CES5A: variants seen among roughly 807,000 people sequenced by gnomAD.
CES5A encodes the protein carboxylesterase 5.
A neutral mutation model predicts 62.9 loss-of-function variants in CES5A; 67 were observed. The observed-to-expected ratio is 1.07, with a 90% CI of 0.88 to 1.31. The LOEUF is 1.31. CES5A is among the 50% of genes most tolerant of loss of function. The pLI, the probability that CES5A is intolerant of heterozygous loss-of-function variation, is 0.00. For missense variants in CES5A, 748 were observed against 708.5 expected (o/e 1.06, Z -0.63); for synonymous variants, 296 against 280.8 (o/e 1.05, Z -0.54).
At chr16:55,937,460 C>A (rs553587371) in intron 2 of CES5A, among the ~76,000 whole-genome samples, 4 of 152,230 alleles carry the variant, frequency 2.6e-5, no homozygotes, top group Non-Finnish European at 5.9e-5. Context: ...CATTCCATTG[C>A]CCGCAGCAAG....
intron 2 of CES5A, among the ~76,000 whole-genome samples, chr16:55,931,523 T>C (rs1184037709): frequency 6.6e-6 from 1 of 152,184 alleles, no homozygotes; most frequent in Non-Finnish European, 1.5e-5. Context: ...CCCTATCTCT[T>C]GCTATTGCAA....
At chr16:55,901,187 G>C (rs2033987072) in intron 1 of CES5A, among the ~76,000 whole-genome samples, 1 of 152,104 alleles carries the variant, frequency 6.6e-6, no homozygotes, top group Admixed American at 6.5e-5. Context: ...TTTTATAAAG[G>C]GGAGTTCCCC....
At chr16:55,949,827 C>T in exon 2 of CES5A, 1 of 1,521,456 alleles carries the variant, frequency 6.6e-7, no homozygotes, top group Non-Finnish European at 8.8e-7. Flanking sequence ...ATCCTCAATA[C>T]ATACAAAGTT....
At chr16:55,877,649 C>A (rs1233849442), upstream of CES5A, among the ~76,000 whole-genome samples, 1 of 152,134 alleles carries the variant, frequency 6.6e-6, no homozygotes, top group Non-Finnish European at 1.5e-5. Flanking sequence ...CTGTGAGGAA[C>A]ACTGATAATG....
intron 1 of CES5A, among the ~76,000 whole-genome samples, chr16:55,911,524 C>T (rs77539008): frequency 0.028 from 4,197 of 152,276 alleles, 131 homozygotes; most frequent in East Asian, 0.11. Context: ...TTGTTTAATT[C>T]TCACAACACA....
At chr16:55,912,733 G>T (rs1423876883) in intron 1 of CES5A, among the ~76,000 whole-genome samples, 1 of 152,174 alleles carries the variant, frequency 6.6e-6, no homozygotes, top group Non-Finnish European at 1.5e-5. Flanking sequence ...TTACCTGCTG[G>T]AGTGTGGGGT....
intron 1 of CES5A, among the ~76,000 whole-genome samples, chr16:55,884,930 G>A (rs538977300): frequency 3.1e-4 from 47 of 152,142 alleles, no homozygotes; most frequent in Admixed American, 1.4e-3. Context: ...TGCTCCTTTC[G>A]CCAGCACATT....
chr16:55,890,806 G>C (rs1272848699), intron 1 of CES5A, among the ~76,000 whole-genome samples: 1 of 152,122 alleles, frequency 6.6e-6, no homozygotes. Context: ...AGTTAATTTA[G>C]AGAGTTTATT....
chr16:55,905,752 G>C (rs954710280), intron 1 of CES5A, among the ~76,000 whole-genome samples: 2 of 152,170 alleles, frequency 1.3e-5, no homozygotes, highest in Non-Finnish European at 2.9e-5. Context: ...TCTGAGCTCT[G>C]CAAAGCACAC....
chr16:55,877,412 GTGTGTGTGTATATATATATA>G (rs1423578245), upstream of CES5A, among the ~76,000 whole-genome samples: 1 of 149,216 alleles, frequency 6.7e-6, no homozygotes, highest in South Asian at 2.1e-4. Context: ...ATACATATGT[GTGTGTGTGTATATATATATA>G]TGTGTGTGTG....
intron 8 of CES5A, 126 bp downstream of exon 8, chr16:55,859,421 G>C: frequency 1.2e-6 from 1 of 859,750 alleles, no homozygotes; most frequent in Non-Finnish European, 1.8e-6. Flanking sequence ...GGTGATCACT[G>C]TGTGCTTGGC....
chr16:55,872,495 A>G (rs1204013499), intron 2 of CES5A, among the ~76,000 whole-genome samples: 7 of 152,156 alleles, frequency 4.6e-5, no homozygotes, highest in Non-Finnish European at 1.0e-4. Context: ...GAGCAGCTAA[A>G]AGCCTAAGAC....
chr16:55,939,462 A>G (rs1168456815), intron 2 of CES5A, among the ~76,000 whole-genome samples: 1 of 152,192 alleles, frequency 6.6e-6, no homozygotes, highest in Non-Finnish European at 1.5e-5. Flanking sequence ...GTAAGACCAG[A>G]ACTCAAAGTT....
Position 55,915,003 on chromosome 16 carries a change from GT to G in CES5A, c.-256+10319del, listed in dbSNP as rs376183481. 4.1e-3 allele frequency among the ~76,000 whole-genome samples: 609 copies of G among 147,020 alleles called. 4 individuals are homozygous for G. The highest frequency in any genetic ancestry group is 0.011 in the African/African-American group (438 of 40,020). On this transcript the variant is annotated intron_variant, in intron 1 of 12. Coordinates refer to the CES5A transcript ENST00000518005. ...TCAAATTAGTTCTAAATAAAAAGTT[GT>G]TTTTTTTTTTTCTTTTAAGCTTCCT...
chr16:55,875,182 A>C lies in CES5A; in HGVS notation c.40T>G (p.Trp14Gly), dbSNP rs2033672514. The C allele has an allele frequency of 6.2e-7, 1 of 1,614,000 alleles. No individual in the cohort carries two copies. Among genetic ancestry groups the C allele is most frequent in the African/African-American group, 1.3e-5 (1 of 74,942 alleles). ...NWVHPGQILI[W>G]AIWVLAAPTK... ...GGGGCTGCAAGGACCCAGATAGCCC[A>C]AATTAGGATCTGGCCTGGGTGCACC... Residue 14 changes from tryptophan (W) to glycine (G), a missense_variant, in exon 1 of 13, where the codon TGG (tryptophan) becomes GGG (glycine). Coordinates refer to ENST00000290567, the MANE Select transcript of CES5A (RefSeq NM_001143685.2).
At chr16:55,902,777 T>C (rs1419500056) in intron 1 of CES5A, among the ~76,000 whole-genome samples, 2 of 152,198 alleles carry the variant, frequency 1.3e-5, no homozygotes, top group African/African-American at 4.8e-5. Context: ...TCCGAATTTC[T>C]GTCTCACAGC....
Position 55,904,010 on chromosome 16 carries a change from G to GA in CES5A, c.-256+21312dup, listed in dbSNP as rs548686979. ...AAAATACATAAAGCAAAGACTAACA[G>GA]AAAAATAAGGAGAAATAGAAAACCG... is the stretch of plus-strand genomic sequence containing the variant. On this transcript the variant is annotated intron_variant, in intron 1 of 12. Transcript: ENST00000518005. Among the ~76,000 whole-genome samples the GA allele has an allele frequency of 1.2e-3, 178 of 152,262 alleles. 2 individuals carry two copies. The highest frequency in any genetic ancestry group is 4.1e-3 in the African/African-American group (172 of 41,540).
intron 2 of CES5A, among the ~76,000 whole-genome samples, chr16:55,942,406 ATAACT>A (rs1374537250): frequency 1.3e-5 from 2 of 152,226 alleles, no homozygotes; most frequent in East Asian, 1.9e-4. Context: ...AACTGGGCAA[ATAACT>A]TAAAAGATAC....
intron 11 of CES5A, among the ~76,000 whole-genome samples, chr16:55,848,870 C>G (rs991577277): frequency 6.6e-6 from 1 of 152,078 alleles, no homozygotes; most frequent in East Asian, 1.9e-4. Flanking sequence ...TTATTTAATC[C>G]TTATGACAAC....
Sources: allele counts gnomAD v4.1 joint callset (sites outside exome capture counted in the v4.1 genomes callset), GRCh38; gene constraint gnomAD v4.1.1; transcripts MANE v1.5; gene names NCBI Gene and HGNC (gene_info 2026-07-23, HGNC 2026-07-21).